The following COP1 variants were observed in gnomAD, a reference collection of about 807,000 sequenced individuals.
The protein encoded by COP1 is COP1 E3 ubiquitin ligase.
COP1 carries 24 observed loss-of-function variants against 101.3 expected under a neutral mutation model. That is an observed-to-expected ratio of 0.24 (90% confidence interval 0.17 to 0.33). The LOEUF is 0.33. COP1 is among the 10% of genes least tolerant of loss of function. COP1 has a pLI of 1.00. For synonymous variants in COP1, 347 were observed against 341.9 expected (o/e 1.01, Z -0.17); for missense variants, 663 against 906.2 (o/e 0.73, Z 3.45).
rs572230184 is a variant in COP1, at chr1:176,195,897, G to A, written c.407+10675C>T. On this transcript the variant is annotated intron_variant, in intron 1 of 19. Coordinates refer to ENST00000367669, the MANE Select transcript of COP1 (RefSeq NM_022457.7). ...TGAGGATTCCAAAATCGGGGACGGAGGGGGTTAGGAGCTGAAAAACTGCCT... is the reference window on the plus strand; with the variant it reads ...TGAGGATTCCAAAATCGGGGACGGAAGGGGTTAGGAGCTGAAAAACTGCCT... Among the ~76,000 whole-genome samples the A allele has an allele frequency of 2.0e-5, 3 of 152,320 alleles. No individual in the cohort carries two copies. In the East Asian group the frequency reaches 5.8e-4, roughly 29 times the overall value.
intron 15 of COP1, among the ~76,000 whole-genome samples, chr1:176,013,905 G>A (rs1018568750): frequency 6.6e-6 from 1 of 152,100 alleles, no homozygotes; most frequent in Non-Finnish European, 1.5e-5. Context: ...AAGTATGTAT[G>A]TTTTACAGCT....
intron 2 of COP1, among the ~76,000 whole-genome samples, chr1:176,178,339 A>C (rs925827493): frequency 2.2e-5 from 2 of 92,644 alleles, no homozygotes; most frequent in African/African-American, 4.6e-5. Context: ...CTGTCTCTAC[A>C]AAAAAAAAAA....
intron 5 of COP1, among the ~76,000 whole-genome samples, chr1:176,154,896 T>A (rs978373634): frequency 6.6e-5 from 10 of 152,332 alleles, no homozygotes; most frequent in Admixed American, 6.5e-4. Flanking sequence ...TTCTTCTGCA[T>A]TAGCTGGGTT....
chr1:176,011,269 T>C (rs1020566411), intron 15 of COP1, among the ~76,000 whole-genome samples: 1 of 152,204 alleles, frequency 6.6e-6, no homozygotes, highest in African/African-American at 2.4e-5. Flanking sequence ...TAGAACCAGC[T>C]ACATTTCAAG....
intron 1 of COP1, among the ~76,000 whole-genome samples, chr1:176,188,649 G>A (rs2102096739): frequency 6.6e-6 from 1 of 152,138 alleles, no homozygotes; most frequent in East Asian, 1.9e-4. Flanking sequence ...TATTATACCT[G>A]TATAATTATC....
intron 11 of COP1, among the ~76,000 whole-genome samples, chr1:176,050,055 A>G (rs1672269599): frequency 6.6e-6 from 1 of 152,256 alleles, no homozygotes; most frequent in South Asian, 2.1e-4. Flanking sequence ...ATAAAAATTT[A>G]CTGCATGACA....
intron 6 of COP1, among the ~76,000 whole-genome samples, chr1:176,142,233 T>C (rs1479837152): frequency 6.6e-6 from 1 of 151,884 alleles, no homozygotes; most frequent in Non-Finnish European, 1.5e-5. Flanking sequence ...AAAAATTTAC[T>C]TTAAAACATT....
chr1:176,136,478 G>C lies in COP1; in HGVS notation c.891+10C>G, dbSNP rs1558181837. On this transcript the variant is annotated intron_variant, in intron 7 of 19. Transcript: ENST00000367669. ...ATTGCTAAGGATGTGAGAAATTCTT[G>C]ATTCCTTACTTCCACTCTCTTAATA... 1 of 1,568,814 alleles carries C rather than the reference G, an allele frequency of 6.4e-7. No individual in the cohort carries two copies. The highest frequency in any genetic ancestry group is 1.1e-5 in the South Asian group (1 of 87,448).
chr1:176,168,106 G>A (rs1347919106), intron 3 of COP1, among the ~76,000 whole-genome samples: 1 of 151,646 alleles, frequency 6.6e-6, no homozygotes, highest in Non-Finnish European at 1.5e-5. Context: ...CGCCCAGGCT[G>A]GAGTGCAATG....
chr1:176,062,819 TA>T (rs1456696994), intron 11 of COP1, among the ~76,000 whole-genome samples: 1 of 152,114 alleles, frequency 6.6e-6, no homozygotes, highest in Non-Finnish European at 1.5e-5. Flanking sequence ...ACTCAATAAG[TA>T]AATAAATTAC....
chr1:176,153,145 T>C (rs1692882768), intron 5 of COP1, among the ~76,000 whole-genome samples: 1 of 152,130 alleles, frequency 6.6e-6, no homozygotes, highest in Non-Finnish European at 1.5e-5. Context: ...TTCTCAATTC[T>C]AGCCTCTTTC....
intron 10 of COP1, among the ~76,000 whole-genome samples, chr1:176,083,859 C>T (rs1030633448): frequency 6.6e-6 from 1 of 152,126 alleles, no homozygotes; most frequent in Non-Finnish European, 1.5e-5. Context: ...GAGTAGCTAG[C>T]TAACGTAAGA....
At chr1:176,162,373 A>C (rs1558234640) in intron 5 of COP1, among the ~76,000 whole-genome samples, 1 of 152,250 alleles carries the variant, frequency 6.6e-6, no homozygotes, top group Non-Finnish European at 1.5e-5. Context: ...ACGTAAAATA[A>C]ATGGAATTTT....
At chr1:176,031,893 A>G (rs1331938794) in intron 14 of COP1, among the ~76,000 whole-genome samples, 1 of 152,216 alleles carries the variant, frequency 6.6e-6, no homozygotes, top group African/African-American at 2.4e-5. Flanking sequence ...ATCATTCCCC[A>G]AAGTAGTTTG....
At chr1:176,160,584 TAAAC>T (rs1376140965) in intron 5 of COP1, among the ~76,000 whole-genome samples, 5 of 151,028 alleles carry the variant, frequency 3.3e-5, no homozygotes, top group East Asian at 1.9e-4. Flanking sequence ...GGAAAAAAAA[TAAAC>T]AACCCCATCG....
chr1:176,065,855 G>A (rs927846104), intron 11 of COP1, among the ~76,000 whole-genome samples: 14 of 151,690 alleles, frequency 9.2e-5, no homozygotes, highest in African/African-American at 3.1e-4. Flanking sequence ...TTACAGGTGC[G>A]CACCACCATG....
intron 18 of COP1, among the ~76,000 whole-genome samples, chr1:175,959,493 G>A (rs1379451624): frequency 6.6e-6 from 1 of 151,892 alleles, no homozygotes; most frequent in African/African-American, 2.4e-5. Context: ...TATAAGTACT[G>A]GAAAAGCAGA....
chr1:175,988,499 TG>T, intron 16 of COP1, 87 bp from the exon 17 acceptor site: 1 of 1,267,242 alleles, frequency 7.9e-7, no homozygotes. Context: ...TGCAGTTTGC[TG>T]GTTAAGAATG....
intron 18 of COP1, among the ~76,000 whole-genome samples, chr1:175,948,773 A>G (rs1485966703): frequency 6.6e-6 from 1 of 152,186 alleles, no homozygotes; most frequent in African/African-American, 2.4e-5. Context: ...ATCAAAGATT[A>G]TAGGTGTATC....
Sources: allele counts gnomAD v4.1 joint callset (sites outside exome capture counted in the v4.1 genomes callset), GRCh38; gene constraint gnomAD v4.1.1; transcripts MANE v1.5; gene names NCBI Gene and HGNC (gene_info 2026-07-23, HGNC 2026-07-21).